DISC1: variants seen among roughly 807,000 people sequenced by gnomAD.
The protein encoded by DISC1 is disrupted in schizophrenia 1 protein.
Under a neutral mutation model 84.5 loss-of-function variants are expected in DISC1, and 57 were observed. The observed-to-expected ratio is 0.67, with a 90% CI of 0.55 to 0.84. The LOEUF (loss-of-function observed/expected upper bound fraction) is 0.84, where lower values mean the gene tolerates loss of function less well. DISC1 is among the 40% of genes least tolerant of loss of function. The pLI is 0.00. For synonymous variants in DISC1, 411 were observed against 415.2 expected (o/e 0.99, Z 0.12); for missense variants, 1,000 against 1,057.8 (o/e 0.95, Z 0.76).
intron 8 of DISC1, among the ~76,000 whole-genome samples, chr1:231,801,985 A>AT (rs2079307108): frequency 6.6e-6 from 1 of 151,758 alleles, no homozygotes; most frequent in African/African-American, 2.4e-5. Context: ...CGCCCGGCTA[A>AT]TTTTTTGTAT....
intron 9 of DISC1, among the ~76,000 whole-genome samples, chr1:231,910,621 C>T (rs1342916447): frequency 7.9e-5 from 12 of 152,086 alleles, no homozygotes; most frequent in Non-Finnish European, 1.5e-4. Flanking sequence ...GGAATAAGTG[C>T]GATGTGGTGC....
At chr1:231,646,874 G>A (rs972978884) in intron 1 of DISC1, among the ~76,000 whole-genome samples, 2 of 152,172 alleles carry the variant, frequency 1.3e-5, no homozygotes, top group Non-Finnish European at 2.9e-5. Flanking sequence ...AGAAGTTTCT[G>A]TTCATATCCT....
intron 10 of DISC1, among the ~76,000 whole-genome samples, chr1:231,983,556 GAGGTA>G (rs1663939547): frequency 1.7e-5 from 1 of 59,574 alleles, no homozygotes; most frequent in African/African-American, 7.3e-5. Flanking sequence ...GGGGTGGGGG[GAGGTA>G]GAGGAGTGGC....
chr1:231,884,559 T>TAC (rs1275471799), intron 9 of DISC1, among the ~76,000 whole-genome samples: 1 of 146,184 alleles, frequency 6.8e-6, no homozygotes, highest in Non-Finnish European at 1.5e-5. Context: ...GCAATGAACA[T>TAC]ACGCGTGCAT....
chr1:231,671,933 G>T (rs1030558524), intron 1 of DISC1, among the ~76,000 whole-genome samples: 6 of 152,192 alleles, frequency 3.9e-5, no homozygotes, highest in Admixed American at 3.9e-4. Flanking sequence ...GTGATCATAA[G>T]ATGCATTGTC....
intron 10 of DISC1, among the ~76,000 whole-genome samples, chr1:231,972,403 T>C (rs1369597632): frequency 6.6e-6 from 1 of 152,216 alleles, no homozygotes; most frequent in Non-Finnish European, 1.5e-5. Flanking sequence ...ATGAAGCCTT[T>C]CAACTGGAAG....
chr1:231,760,324 G>A (rs1380084379), intron 4 of DISC1, among the ~76,000 whole-genome samples: 1 of 152,100 alleles, frequency 6.6e-6, no homozygotes, highest in East Asian at 1.9e-4. Context: ...GCACTTCATT[G>A]GTTCTATGAC....
At chr1:231,668,569 C>T (rs150631533) in intron 1 of DISC1, among the ~76,000 whole-genome samples, 132 of 152,242 alleles carry the variant, frequency 8.7e-4, no homozygotes, top group Non-Finnish European at 1.8e-3. Context: ...GTGAAAGTCT[C>T]AATTTGCTGC....
At chr1:231,810,726 C>A (rs1274107425) in intron 8 of DISC1, among the ~76,000 whole-genome samples, 1 of 152,138 alleles carries the variant, frequency 6.6e-6, no homozygotes, top group Non-Finnish European at 1.5e-5. Flanking sequence ...TGTGCTTGGT[C>A]AGGGGACCAT....
intron 3 of DISC1, among the ~76,000 whole-genome samples, chr1:231,707,291 A>G (rs567619648): frequency 6.6e-6 from 1 of 152,326 alleles, no homozygotes; most frequent in African/African-American, 2.4e-5. Flanking sequence ...TGCACAGAAA[A>G]AAAGCAAACA....
intron 9 of DISC1, among the ~76,000 whole-genome samples, chr1:231,948,470 G>A (rs1311185779): frequency 6.6e-6 from 1 of 152,104 alleles, no homozygotes; most frequent in African/African-American, 2.4e-5. Context: ...TGGGGGGCTC[G>A]GGAAGGGATA....
intron 8 of DISC1, among the ~76,000 whole-genome samples, chr1:231,807,486 A>T (rs2079831781): frequency 6.6e-6 from 1 of 152,198 alleles, no homozygotes; most frequent in Admixed American, 6.5e-5. Flanking sequence ...CAGCCAGTAG[A>T]AGTATTTGTT....
chr1:231,778,123 G>C (rs2077098609), intron 6 of DISC1, among the ~76,000 whole-genome samples: 1 of 152,208 alleles, frequency 6.6e-6, no homozygotes, highest in Admixed American at 6.5e-5. Flanking sequence ...AGTGTTGCCT[G>C]ATTGGATTGG....
At chr1:232,020,751 C>T (rs1189544932) in intron 11 of DISC1, among the ~76,000 whole-genome samples, 1 of 152,158 alleles carries the variant, frequency 6.6e-6, no homozygotes, top group African/African-American at 2.4e-5. Context: ...AGCAAACAAA[C>T]TCTCTTCAAC....
rs1480424273 is a variant in DISC1 at position 231,877,665 on chromosome 1, G to A, written c.1981+59148G>A. On this transcript the variant is annotated intron_variant, in intron 9 of 12. Coordinates refer to ENST00000439617, the MANE Select transcript of DISC1 (RefSeq NM_018662.3). Reference sequence around the variant, plus strand: ...GATGTTAGGTATTAATGTTATTTTAGGTATACTCTATGAGACTGTATGGTA... The same window carrying A: ...GATGTTAGGTATTAATGTTATTTTAAGTATACTCTATGAGACTGTATGGTA... Among the ~76,000 whole-genome samples the A allele has an allele frequency of 9.1e-4, 138 of 152,262 alleles. 2 individuals carry two copies. The highest frequency in any genetic ancestry group is 1.6e-4 in the Non-Finnish European group (11 of 68,028).
intron 8 of DISC1, among the ~76,000 whole-genome samples, chr1:231,815,591 A>T (rs1226763269): frequency 6.6e-6 from 1 of 152,022 alleles, no homozygotes; most frequent in African/African-American, 2.4e-5. Context: ...TACAAAAATT[A>T]ACTGGGCGTG....
chr1:232,027,479 T>C (rs1481902457), intron 12 of DISC1, among the ~76,000 whole-genome samples: 1 of 152,186 alleles, frequency 6.6e-6, no homozygotes, highest in Non-Finnish European at 1.5e-5. Flanking sequence ...GAGAACATAC[T>C]GGCTTAGGTA....
intron 3 of DISC1, among the ~76,000 whole-genome samples, chr1:231,709,334 A>G (rs1422890643): frequency 6.6e-6 from 1 of 152,018 alleles, no homozygotes; most frequent in Non-Finnish European, 1.5e-5. Flanking sequence ...CTTCCCTCTC[A>G]TTCACAGCAT....
intron 9 of DISC1, among the ~76,000 whole-genome samples, chr1:231,940,773 C>T (rs2091279475): frequency 6.6e-6 from 1 of 152,222 alleles, no homozygotes; most frequent in African/African-American, 2.4e-5. Flanking sequence ...AGCATTACCC[C>T]AAATACAATT....
Sources: gnomAD v4.1 joint callset for allele counts (sites outside exome capture counted in the v4.1 genomes callset) on GRCh38, gnomAD v4.1.1 for gene constraint, MANE v1.5 for transcripts, NCBI Gene and HGNC (gene_info 2026-07-23, HGNC 2026-07-21) for gene names.